ELK3: variants seen among roughly 807,000 people sequenced by gnomAD.
The protein encoded by ELK3 is ETS transcription factor ELK3.
A neutral mutation model predicts 28.9 loss-of-function variants in ELK3; 10 were observed. That is an observed-to-expected ratio of 0.35 (90% CI 0.21 to 0.59). ELK3 has a LOEUF of 0.59. Among genes scored for constraint, ELK3 ranks in the 20% least tolerant of loss-of-function variants. The pLI is 0.82. For synonymous variants in ELK3, 272 were observed against 243.5 expected, an observed-to-expected ratio of 1.12 and a Z score of -1.09; for missense variants, 463 against 517.3, an observed-to-expected ratio of 0.90 and a Z score of 1.02.
chr12:96,263,475 A>G (rs1378290476), intron 4 of ELK3, among the ~76,000 whole-genome samples: 1 of 152,216 alleles, frequency 6.6e-6, no homozygotes, highest in Non-Finnish European at 1.5e-5. Flanking sequence ...AACAAGGTAG[A>G]GCTAATTAAG....
At chr12:96,228,099 TA>T (rs1209071194) in intron 2 of ELK3, among the ~76,000 whole-genome samples, 1 of 152,004 alleles carries the variant, frequency 6.6e-6, no homozygotes, top group East Asian at 1.9e-4. Context: ...TGTCTCTTTT[TA>T]AAAAATTTAG....
intron 1 of ELK3, among the ~76,000 whole-genome samples, chr12:96,195,173 C>G (rs1277328939): frequency 6.6e-6 from 1 of 152,094 alleles, no homozygotes; most frequent in Non-Finnish European, 1.5e-5. Flanking sequence ...CAGCTGGGAC[C>G]GCAGTCAGGC....
chr12:96,230,804 G>C (rs2137020548), intron 2 of ELK3, among the ~76,000 whole-genome samples: 1 of 152,350 alleles, frequency 6.6e-6, no homozygotes, highest in Admixed American at 6.5e-5. Flanking sequence ...CAGTTGTGCG[G>C]AGTGCACGTG....
rs1250256087 is a variant in ELK3, at chr12:96,200,644, T to G, written c.-3+5939T>G. ...TCCCAAGCAGATAGGACTGCAGGTGTGCACCACCACACCTGGCTAATTTTT... is the reference window on the plus strand; with the variant it reads ...TCCCAAGCAGATAGGACTGCAGGTGGGCACCACCACACCTGGCTAATTTTT... On this transcript the variant is annotated intron_variant, in intron 1 of 4. Coordinates refer to ENST00000228741, the MANE Select transcript of ELK3 (RefSeq NM_005230.4). 2.2e-4 allele frequency among the ~76,000 whole-genome samples: 34 copies of G among 152,134 alleles called. 1 individual carries two copies. The highest frequency in any genetic ancestry group is 2.2e-3 in the Admixed American group (34 of 15,270).
At chr12:96,196,796 G>A (rs117781767) in intron 1 of ELK3, among the ~76,000 whole-genome samples, 5,527 of 148,234 alleles carry the variant, frequency 0.037, 164 homozygotes, top group Non-Finnish European at 0.058. Context: ...GAAATGTGTG[G>A]CGTTACTAAA....
At position 96,247,629 on chromosome 12, in the gene ELK3, C is replaced by T. The variant is rs777442274; in HGVS notation, c.897C>T (p.Ile299=). The T allele has an allele frequency of 2.5e-6, 4 of 1,613,336 alleles. No individual in the cohort carries two copies. In the East Asian group the frequency reaches 8.9e-5, roughly 36 times the overall value. The change falls in exon 3 of 5, where the codon ATC becomes ATT. Residue 299 remains isoleucine (I), a synonymous_variant. Coordinates refer to ENST00000228741, the MANE Select transcript of ELK3 (RefSeq NM_005230.4). This position sits in a 1 kb window ranked among gnomAD's most constrained non-coding sequence, Gnocchi z 5.5. ...CCAAAAAACCCAAAGGCTTGGAAAT[C>T]TCAGCGCCCCCGCTGGTGCTCTCCG... ...PKAKKPKGLE[I]SAPPLVLSGT...
intron 2 of ELK3, among the ~76,000 whole-genome samples, chr12:96,244,824 T>C (rs948461403): frequency 1.3e-5 from 2 of 152,128 alleles, no homozygotes; most frequent in Non-Finnish European, 2.9e-5. Context: ...GGGAGCTGAT[T>C]TTCCTGGGCA....
intron 4 of ELK3, among the ~76,000 whole-genome samples, chr12:96,260,522 C>G (rs1193437588): frequency 6.6e-6 from 1 of 150,960 alleles, no homozygotes; most frequent in Non-Finnish European, 1.5e-5. Flanking sequence ...ATAATGAAGA[C>G]TTAGCTGCTT....
intron 2 of ELK3, among the ~76,000 whole-genome samples, chr12:96,244,767 TGGGTC>T (rs932143230): frequency 8.5e-5 from 13 of 152,214 alleles, no homozygotes; most frequent in African/African-American, 3.1e-4. Context: ...GAACTGACCC[TGGGTC>T]AGGTGGGTCC....
intron 2 of ELK3, among the ~76,000 whole-genome samples, chr12:96,233,597 C>T (rs1175859323): frequency 2.6e-5 from 4 of 152,148 alleles, no homozygotes; most frequent in Non-Finnish European, 4.4e-5. Context: ...CGTGCAATCA[C>T]GACAAGAAAA....
intron 1 of ELK3, among the ~76,000 whole-genome samples, chr12:96,215,487 C>CA (rs1951606627): frequency 1.3e-5 from 2 of 152,196 alleles, no homozygotes; most frequent in South Asian, 4.1e-4. Flanking sequence ...TGACAGCTCT[C>CA]ACGTAGGCGG....
At chr12:96,261,419 A>G (rs1951991752) in intron 4 of ELK3, among the ~76,000 whole-genome samples, 1 of 152,208 alleles carries the variant, frequency 6.6e-6, no homozygotes, top group African/African-American at 2.4e-5. Context: ...TGTATTAGGA[A>G]AGTTTAAAAT....
At chr12:96,243,632 C>T (rs957286582) in intron 2 of ELK3, among the ~76,000 whole-genome samples, 3 of 151,964 alleles carry the variant, frequency 2.0e-5, no homozygotes, top group African/African-American at 7.3e-5. Flanking sequence ...AGGCAGATCA[C>T]GAGGTCAGGA....
At position 96,252,422 on chromosome 12, in the gene ELK3, G is replaced by A. The variant is rs557709932; in HGVS notation, c.1002+4688G>A. On this transcript the variant is annotated intron_variant, in intron 3 of 4. Transcript: ENST00000228741. ...TAAAGCTACAGCTGCCATAGATAGT[G>A]ATTCCTCTGATGGATCTGGGCAAAG... 2.2e-4 allele frequency among the ~76,000 whole-genome samples: 33 copies of A among 152,256 alleles called. No homozygotes were observed. The South Asian group carries it at 6.8e-3, about 32-fold the overall frequency.
In ELK3 at chr12:96,268,551, A is replaced by C. The variant is rs1952059691; in HGVS notation, c.*1371A>C. Reference sequence around the variant, plus strand: ...GTACCACACCTGTACATGAAGAAGGAAAGTTCTAATACAAGAAAACTGAAA... The same window carrying C: ...GTACCACACCTGTACATGAAGAAGGCAAGTTCTAATACAAGAAAACTGAAA... On this transcript the variant is annotated 3_prime_UTR_variant, in exon 5 of 5. Coordinates refer to ENST00000228741, the MANE Select transcript of ELK3 (RefSeq NM_005230.4). The C allele has an allele frequency of 6.6e-6, 1 of 152,222 alleles. No homozygotes were observed. Among genetic ancestry groups the C allele is most frequent in the African/African-American group, 2.4e-5 (1 of 41,454 alleles). The allele number at this position is 152,222 out of a possible 1,614,324, so 9.4% of individuals were successfully genotyped here. A position where few individuals can be genotyped will look rare whatever the true frequency, so the allele number is the denominator to read the frequency against.
chr12:96,199,868 T>C (rs1331962973), intron 1 of ELK3, among the ~76,000 whole-genome samples: 2 of 152,190 alleles, frequency 1.3e-5, no homozygotes, highest in Admixed American at 6.5e-5. Context: ...TAGACAATGT[T>C]ATATTAGTGT....
chr12:96,220,084 G>T (rs1377691018), intron 1 of ELK3, among the ~76,000 whole-genome samples: 2 of 152,170 alleles, frequency 1.3e-5, no homozygotes, highest in African/African-American at 4.8e-5. Context: ...TGGTTGAACT[G>T]TGGGGGCATT....
intron 3 of ELK3, among the ~76,000 whole-genome samples, chr12:96,252,897 AAG>A (rs1255892033): frequency 6.6e-6 from 1 of 152,356 alleles, no homozygotes; most frequent in East Asian, 1.9e-4. Flanking sequence ...CCAATTTTGA[AAG>A]AAGTTCTACT....
chr12:96,210,316 T>C (rs1951567224), intron 1 of ELK3, among the ~76,000 whole-genome samples: 1 of 152,150 alleles, frequency 6.6e-6, no homozygotes, highest in South Asian at 2.1e-4. Context: ...TGAAACAGGC[T>C]TCCCTAGAGG....
Sources: gnomAD v4.1 joint callset for allele counts (sites outside exome capture counted in the v4.1 genomes callset) on GRCh38, gnomAD v4.1.1 for gene constraint, Gnocchi (gnomAD v3.1) non-coding constraint, MANE v1.5 for transcripts, NCBI Gene and HGNC (gene_info 2026-07-23, HGNC 2026-07-21) for gene names.